PARVG: variants seen among roughly 807,000 people sequenced by gnomAD.
PARVG encodes gamma-parvin.
PARVG carries 36 observed loss-of-function variants against 44.4 expected under a neutral mutation model. The observed-to-expected ratio is 0.81, with a 90% confidence interval of 0.62 to 1.07. PARVG has a LOEUF of 1.07. Ranked by LOEUF, PARVG falls within the 50% of genes least tolerant of loss-of-function variation. The probability of loss-of-function intolerance (pLI) is 0.00; values close to 1 mark genes in which losing one functional copy is unlikely to be tolerated. For missense variants in PARVG, 407 were observed against 407.4 expected, an observed-to-expected ratio of 1.00 and a Z score of 0.01; for synonymous variants, 170 against 174.1, an observed-to-expected ratio of 0.98 and a Z score of 0.19.
chr22:44,197,391 A>C (rs139412844), intron 11 of PARVG, among the ~76,000 whole-genome samples: 2 of 152,332 alleles, frequency 1.3e-5, no homozygotes, highest in East Asian at 1.9e-4. Context: ...ACAGAGGAGG[A>C]TGTTAAGGCA....
intron 11 of PARVG, 145 bp downstream of exon 11, chr22:44,196,560 C>A: frequency 2.1e-6 from 2 of 966,286 alleles, no homozygotes; most frequent in Non-Finnish European, 3.1e-6. Flanking sequence ...CCCGGTGGGA[C>A]TGTTGCTGGC....
intron 4 of PARVG, chr22:44,187,048 A>G: frequency 4.3e-6 from 1 of 231,062 alleles, no homozygotes; most frequent in Non-Finnish European, 8.9e-6. Context: ...GCCAGTAGGC[A>G]ACAGTCAAGG....
chr22:44,200,395 C>G (rs1011798525), intron 12 of PARVG, among the ~76,000 whole-genome samples: 1 of 152,320 alleles, frequency 6.6e-6, no homozygotes, highest in African/African-American at 2.4e-5. Context: ...AATCCCTGCC[C>G]CCTACTCAGG....
chr22:44,179,836 T>A (rs550686986), upstream of PARVG, among the ~76,000 whole-genome samples: 1 of 150,612 alleles, frequency 6.6e-6, no homozygotes, highest in South Asian at 2.1e-4. The surrounding 1 kb of genome is among the most constrained non-coding windows in gnomAD (Gnocchi z 4.2). Context: ...GCTGTGTGAT[T>A]CTCAAGCTGT....
intron 8 of PARVG, 35 bp from the exon 9 acceptor site, chr22:44,193,766 T>G: frequency 6.2e-7 from 1 of 1,608,422 alleles, no homozygotes; most frequent in Non-Finnish European, 8.5e-7. Context: ...GTTTTTTTTT[T>G]AACCATTTGT....
rs1160014699 is a variant in PARVG, at chr22:44,187,559, A to C, written c.145-217A>C. On this transcript the variant is annotated intron_variant, in intron 4 of 13. Transcript: ENST00000444313. ...TGATAATGACAGCCCCACACTGCTC[A>C]GGTTTGTGATGGAGAGAAGCAGGGA... The C allele has an allele frequency of 6.7e-6, 4 of 599,224 alleles. No homozygotes were observed. The Admixed American group carries it at 8.5e-5, about 13-fold the overall frequency. The allele number at this position is 599,224 out of a possible 1,614,324, so 37.1% of individuals were successfully genotyped here.
At chr22:44,191,389 T>C (rs2054546576) in intron 7 of PARVG, among the ~76,000 whole-genome samples, 1 of 30,370 alleles carries the variant, frequency 3.3e-5, no homozygotes, top group Non-Finnish European at 7.6e-5. Context: ...GTCATTTCTA[T>C]TTTTTTTTTT....
intron 1 of PARVG, chr22:44,181,478 G>A (rs2147216180): frequency 1.2e-6 from 1 of 856,034 alleles, no homozygotes; most frequent in Non-Finnish European, 1.4e-6. Context: ...CAGGCTGACA[G>A]GGTGCTGGTG....
intron 12 of PARVG, among the ~76,000 whole-genome samples, chr22:44,199,218 C>T (rs906647574): frequency 6.6e-6 from 1 of 151,880 alleles, no homozygotes; most frequent in African/African-American, 2.4e-5. Context: ...ATCCATCCAC[C>T]CACCTACCTG....
chr22:44,176,464 A>G (rs1211168900), upstream of PARVG, among the ~76,000 whole-genome samples: 1 of 152,172 alleles, frequency 6.6e-6, no homozygotes, highest in African/African-American at 2.4e-5. Context: ...AACCAAGGAT[A>G]TGGAGGGCCA....
At chr22:44,180,516 G>C (rs2054360587), upstream of PARVG, among the ~76,000 whole-genome samples, 1 of 152,128 alleles carries the variant, frequency 6.6e-6, no homozygotes, top group African/African-American at 2.4e-5. Context: ...CAGCAAAATA[G>C]GTCCTGCACG....
chr22:44,183,185 G>A, intron 2 of PARVG, 133 bp from the exon 3 acceptor site: 1 of 744,072 alleles, frequency 1.3e-6, no homozygotes, highest in South Asian at 1.9e-5. Flanking sequence ...CCCTGCCTAG[G>A]CTGGCATGCT....
At chr22:44,200,697 G>A (rs933660703) in intron 12 of PARVG, among the ~76,000 whole-genome samples, 12 of 152,188 alleles carry the variant, frequency 7.9e-5, no homozygotes, top group South Asian at 4.1e-4. Context: ...CACATGCCCC[G>A]TCCCAGGGCC....
chr22:44,174,219 A>C (rs1358379292), intron 1 of PARVG, among the ~76,000 whole-genome samples: 1 of 151,644 alleles, frequency 6.6e-6, no homozygotes, highest in Non-Finnish European at 1.5e-5. Context: ...CAGGGGAGTG[A>C]GAGGGAACTC....
At chr22:44,192,666 C>T (rs2054565589) in intron 8 of PARVG, among the ~76,000 whole-genome samples, 1 of 151,656 alleles carries the variant, frequency 6.6e-6, no homozygotes, top group Non-Finnish European at 1.5e-5. Context: ...CACCTGCTCC[C>T]CACCTACTGG....
chr22:44,203,142 T>A (rs993766287), intron 12 of PARVG, among the ~76,000 whole-genome samples: 7 of 152,206 alleles, frequency 4.6e-5, no homozygotes, highest in Non-Finnish European at 1.0e-4. Context: ...CAGAAGCAGA[T>A]GTCATAATTT....
rs368763193 is a variant in PARVG at position 44,206,419 on chromosome 22, C to T, written c.989C>T (p.Pro330Leu). ...AHRDRTPHGA[P>L]N is the part of the protein sequence containing the mutation. The stretch of plus-strand genomic sequence containing the variant: ...AGGGACAGGACGCCCCATGGAGCCC[C>T]GAATTGACCCTCACTGCCTCCAAAG... The change falls in exon 14 of 14, where the codon CCG becomes CTG. Residue 330 changes from proline (P) to leucine (L), a missense_variant. Physicochemically the swap from Pro to Leu is moderately conservative, Grantham distance 98 (BLOSUM62 -3). Coordinates refer to ENST00000444313, the MANE Select transcript of PARVG (RefSeq NM_022141.7). 2.4e-5 allele frequency: 38 copies of T among 1,613,826 alleles called. No homozygotes were observed. Among genetic ancestry groups the T allele is most frequent in the South Asian group, 4.4e-5 (4 of 91,090 alleles).
chr22:44,187,511 T>A lies in PARVG; in HGVS notation c.145-265T>A, dbSNP rs527597696. ...GTATTTGCTATGGTAGTACCCCACTTCCTGGTACTAAAACCTCACACATGA... is the reference window on the plus strand; with the variant it reads ...GTATTTGCTATGGTAGTACCCCACTACCTGGTACTAAAACCTCACACATGA... On this transcript the variant is annotated intron_variant, in intron 4 of 13. Transcript: ENST00000444313. 8 of 541,180 alleles carry A rather than the reference T, an allele frequency of 1.5e-5. No individual in the cohort carries two copies. In the Admixed American group the frequency reaches 1.9e-4, roughly 13 times the overall value. 33.5% of individuals were successfully genotyped at this position (541,180 alleles called of 1,614,324 possible). A position where few individuals can be genotyped will look rare whatever the true frequency, so the allele number is the denominator to read the frequency against.
Position 44,181,084 on chromosome 22 carries a change from C to A in PARVG, c.-290C>A. On this transcript the variant is annotated 5_prime_UTR_variant, in exon 1 of 14. Coordinates refer to ENST00000444313, the MANE Select transcript of PARVG (RefSeq NM_022141.7). ...GCAAACTCCTATGCAGCCGTCAAGGCCCCATTCTCCTCTGGAAAGCCTTCC... is the reference window on the plus strand; with the variant it reads ...GCAAACTCCTATGCAGCCGTCAAGGACCCATTCTCCTCTGGAAAGCCTTCC... The A allele has an allele frequency of 1.4e-6, 1 of 698,528 alleles. No individual in the cohort carries two copies. The highest frequency in any genetic ancestry group is 1.8e-6 in the Non-Finnish European group (1 of 567,676). The allele number at this position is 698,528 out of a possible 1,614,324, so 43.3% of individuals were successfully genotyped here. A position where few individuals can be genotyped will look rare whatever the true frequency, so the allele number is the denominator to read the frequency against.
Sources: gnomAD v4.1 joint callset for allele counts (sites outside exome capture counted in the v4.1 genomes callset) on GRCh38, gnomAD v4.1.1 for gene constraint, Gnocchi (gnomAD v3.1) non-coding constraint, MANE v1.5 for transcripts, NCBI Gene and HGNC (gene_info 2026-07-23, HGNC 2026-07-21) for gene names.